AGBL1: variants seen among roughly 807,000 people sequenced by gnomAD.
AGBL1 encodes AGBL carboxypeptidase 1, also known as cytosolic carboxypeptidase 4.
AGBL1 carries 130 observed loss-of-function variants against 118.9 expected under a neutral mutation model. The ratio of observed to expected loss-of-function variants is 1.09; its 90% CI spans 0.95 to 1.26. The LOEUF (loss-of-function observed/expected upper bound fraction) is 1.26. Ranked by LOEUF, AGBL1 falls within the 50% of genes most tolerant of loss-of-function variation. The pLI is 0.00. For missense variants in AGBL1, 1,584 were observed against 1,298.1 expected, an observed-to-expected ratio of 1.22 and a Z score of -3.38; for synonymous variants, 555 against 478.9, an observed-to-expected ratio of 1.16 and a Z score of -2.08.
At chr15:87,020,998 A>T (rs1191925544) in intron 24 of AGBL1, among the ~76,000 whole-genome samples, 3 of 152,088 alleles carry the variant, frequency 2.0e-5, no homozygotes, top group Admixed American at 1.3e-4. Context: ...AGAAAAAAAA[A>T]TTTAAAAATT....
intron 22 of AGBL1, among the ~76,000 whole-genome samples, chr15:86,677,533 C>T (rs1468307817): frequency 3.3e-5 from 5 of 152,108 alleles, no homozygotes. Flanking sequence ...TAAGTTTTGC[C>T]GAGTCAGCCA....
chr15:86,481,533 A>G (rs891748217), intron 18 of AGBL1, among the ~76,000 whole-genome samples: 5 of 152,126 alleles, frequency 3.3e-5, no homozygotes, highest in African/African-American at 9.7e-5. Context: ...ATGCATATTA[A>G]TAATTTTCCA....
At chr15:86,734,175 T>TAGA (rs1486746047) in intron 22 of AGBL1, among the ~76,000 whole-genome samples, 1 of 152,170 alleles carries the variant, frequency 6.6e-6, no homozygotes, top group Admixed American at 6.5e-5. Flanking sequence ...CCAAGGCACT[T>TAGA]ACGTTCTTAA....
intron 21 of AGBL1, among the ~76,000 whole-genome samples, chr15:86,583,698 A>G (rs916169632): frequency 7.2e-5 from 11 of 152,128 alleles, no homozygotes; most frequent in African/African-American, 2.7e-4. Context: ...TCTTTTGAGT[A>G]TGTACCCAGT....
intron 18 of AGBL1, among the ~76,000 whole-genome samples, chr15:86,413,821 G>T (rs932550664): frequency 6.6e-6 from 1 of 152,018 alleles, no homozygotes; most frequent in Non-Finnish European, 1.5e-5. Flanking sequence ...CATTCTGCAC[G>T]TTGTCTGTCC....
At chr15:86,771,002 G>A (rs953309594) in intron 22 of AGBL1, among the ~76,000 whole-genome samples, 1 of 152,002 alleles carries the variant, frequency 6.6e-6, no homozygotes, top group Non-Finnish European at 1.5e-5. Context: ...CCACTTCCAG[G>A]CCTCACTCGT....
chr15:86,693,376 G>A (rs371253242), intron 22 of AGBL1, among the ~76,000 whole-genome samples: 4 of 152,004 alleles, frequency 2.6e-5, no homozygotes, highest in Admixed American at 2.0e-4. Flanking sequence ...TTTTTCATAT[G>A]TTTGTTGGCA....
At chr15:86,757,659 C>A (rs1481785630) in intron 22 of AGBL1, among the ~76,000 whole-genome samples, 1 of 152,048 alleles carries the variant, frequency 6.6e-6, no homozygotes, top group Non-Finnish European at 1.5e-5. Flanking sequence ...GTCTCTCCAC[C>A]CTTTTTTGTC....
At chr15:86,127,880 C>G (rs1173607293) in intron 1 of AGBL1, among the ~76,000 whole-genome samples, 1 of 152,072 alleles carries the variant, frequency 6.6e-6, no homozygotes, top group Admixed American at 6.6e-5. Flanking sequence ...AAAAGGAAAG[C>G]CACAAGAGAG....
At chr15:86,441,450 G>C (rs746393464) in intron 18 of AGBL1, among the ~76,000 whole-genome samples, 12 of 152,140 alleles carry the variant, frequency 7.9e-5, no homozygotes, top group Admixed American at 2.0e-4. Context: ...ACACATAGTG[G>C]ACTGCTTTTA....
At position 86,436,722 on chromosome 15, in the gene AGBL1, G is replaced by T. The variant is rs372729407; in HGVS notation, c.2555+39176G>T. On this transcript the variant is annotated intron_variant, in intron 18 of 22. Coordinates refer to ENST00000614907, the MANE Select transcript of AGBL1 (RefSeq NM_001386094.1). ...TTCAAATTTATTATTTTGCAAATAGGCAGAGCAGCAGCTGTTAATGAGGAA... is the reference window on the plus strand; with the variant it reads ...TTCAAATTTATTATTTTGCAAATAGTCAGAGCAGCAGCTGTTAATGAGGAA... 1.2e-4 allele frequency among the ~76,000 whole-genome samples: 19 copies of T among 152,302 alleles called. No individual in the cohort carries two copies. In the East Asian group the frequency reaches 3.1e-3, roughly 25 times the overall value.
chr15:86,790,256 T>A (rs1351066828), intron 22 of AGBL1, among the ~76,000 whole-genome samples: 1 of 151,914 alleles, frequency 6.6e-6, no homozygotes, highest in Non-Finnish European at 1.5e-5. Context: ...TTGGGTAACA[T>A]TATCAACCTG....
intron 4 of AGBL1, among the ~76,000 whole-genome samples, chr15:86,155,240 G>T (rs949474706): frequency 6.6e-6 from 1 of 152,190 alleles, no homozygotes; most frequent in Non-Finnish European, 1.5e-5. Flanking sequence ...GGATGAGGTG[G>T]TCAGATCGCT....
rs564794089 is a variant in AGBL1, at chr15:86,626,052, G to T, written c.2995-48221G>T. On this transcript the variant is annotated intron_variant, in intron 21 of 22. Transcript: ENST00000614907. ...GCTGGAAGAAAGAGATGCATGAACA[G>T]AAGTCAGGAAAAAAAGGGTTGCATT... 1.5e-4 allele frequency among the ~76,000 whole-genome samples: 23 copies of T among 152,156 alleles called. No homozygotes were observed. In the South Asian group the frequency reaches 1.9e-3, roughly 12 times the overall value.
At chr15:86,880,595 T>C (rs1385890192) in intron 22 of AGBL1, among the ~76,000 whole-genome samples, 13 of 152,264 alleles carry the variant, frequency 8.5e-5, no homozygotes, top group Non-Finnish European at 1.5e-4. Context: ...TGGCAGTGAC[T>C]ATGTGTGCAT....
At chr15:86,527,073 A>G (rs2083278365) in intron 19 of AGBL1, among the ~76,000 whole-genome samples, 1 of 152,182 alleles carries the variant, frequency 6.6e-6, no homozygotes, top group African/African-American at 2.4e-5. Flanking sequence ...CCCTCCTGCA[A>G]TCTTAGAAGG....
Position 86,790,522 on chromosome 15 carries a change from G to A in AGBL1, c.3158+116086G>A, listed in dbSNP as rs200942421. Reference sequence around the variant, plus strand: ...AGGACCTGCAAGCTAGTGCCCTGTGGCAAACTTGCTATTTGAACCTCTTTT... The same window carrying A: ...AGGACCTGCAAGCTAGTGCCCTGTGACAAACTTGCTATTTGAACCTCTTTT... On this transcript the variant is annotated intron_variant, in intron 22 of 22. Coordinates refer to ENST00000614907, the MANE Select transcript of AGBL1 (RefSeq NM_001386094.1). Among the ~76,000 whole-genome samples the A allele has an allele frequency of 1.5e-4, 23 of 152,252 alleles. No homozygotes were observed. The East Asian group carries it at 4.4e-3, about 29-fold the overall frequency.
Position 86,086,808 on chromosome 15 carries a change from C to G in AGBL1, c.51+6785C>G, listed in dbSNP as rs530197392. Reference sequence around the variant, plus strand: ...TTGCCATATATTGTTGTAGATGGTTCGTTCTGATTGCCCAATAGCATGCCA... The same window carrying G: ...TTGCCATATATTGTTGTAGATGGTTGGTTCTGATTGCCCAATAGCATGCCA... On this transcript the variant is annotated intron_variant, in intron 1 of 22. Transcript: ENST00000614907. Among the ~76,000 whole-genome samples the G allele has an allele frequency of 6.6e-5, 10 of 152,206 alleles. No homozygotes were observed. In the South Asian group the frequency reaches 2.1e-3, roughly 32 times the overall value.
chr15:86,281,784 A>G (rs1000399488), intron 16 of AGBL1, among the ~76,000 whole-genome samples: 15 of 152,182 alleles, frequency 9.9e-5, no homozygotes, highest in Non-Finnish European at 2.1e-4. Context: ...GATTAGTGTC[A>G]TTGCTTGCCA....
Sources: allele counts gnomAD v4.1 joint callset (sites outside exome capture counted in the v4.1 genomes callset), GRCh38; gene constraint gnomAD v4.1.1; transcripts MANE v1.5; gene names NCBI Gene and HGNC (gene_info 2026-07-23, HGNC 2026-07-21).